Variants in CCL28 observed in about 807,000 individuals in gnomAD.
CCL28 encodes C-C motif chemokine 28.
CCL28 carries 4 observed loss-of-function variants against 7.1 expected under a neutral mutation model. The observed-to-expected ratio is 0.56, with a 90% CI of 0.28 to 1.29. The LOEUF is 1.29. Ranked by LOEUF, CCL28 falls within the 50% of genes most tolerant of loss-of-function variation. The pLI is 0.11. For synonymous variants in CCL28, 55 were observed against 57.8 expected, an observed-to-expected ratio of 0.95 and a Z score of 0.22; for missense variants, 151 against 163.4, an observed-to-expected ratio of 0.92 and a Z score of 0.41.
At chr5:43,373,098 G>A (rs551709627), downstream of CCL28, among the ~76,000 whole-genome samples, 55 of 152,212 alleles carry the variant, frequency 3.6e-4, no homozygotes, top group Non-Finnish European at 5.9e-4. Flanking sequence ...ACCATGCCCA[G>A]CCTGAACATT....
At chr5:43,410,676 C>A (rs559179470) in intron 1 of CCL28, among the ~76,000 whole-genome samples, 1 of 152,128 alleles carries the variant, frequency 6.6e-6, no homozygotes, top group Admixed American at 6.6e-5. Flanking sequence ...GGAGAGCTGC[C>A]GCTGTGGGGA....
chr5:43,385,252 T>C (rs1325235415), intron 2 of CCL28, among the ~76,000 whole-genome samples: 1 of 152,224 alleles, frequency 6.6e-6, no homozygotes, highest in African/African-American at 2.4e-5. Context: ...AGCTCATTAA[T>C]GAAGTCACTG....
chr5:43,374,031 G>A (rs145437562), downstream of CCL28, among the ~76,000 whole-genome samples: 584 of 152,296 alleles, frequency 3.8e-3, 1 homozygote, highest in African/African-American at 0.013. Flanking sequence ...CCAGGTCTTG[G>A]CAGAATTTAA....
the CCL28 span, among the ~76,000 whole-genome samples, chr5:43,370,616 TG>T: frequency 4.8e-4 from 73 of 152,168 alleles, 1 homozygote; most frequent in African/African-American, 1.6e-3. Context: ...ACTGGGTCAC[TG>T]GGTCACTGGG....
At chr5:43,403,708 C>T (rs1337009021) in intron 1 of CCL28, among the ~76,000 whole-genome samples, 3 of 152,186 alleles carry the variant, frequency 2.0e-5, no homozygotes, top group African/African-American at 7.2e-5. Context: ...GATCAAACTA[C>T]TCCGAGCTAA....
chr5:43,377,735 T>C (rs1739940192), downstream of CCL28, among the ~76,000 whole-genome samples: 1 of 99,908 alleles, frequency 1.0e-5, no homozygotes. Context: ...TTTTTTTTTT[T>C]TTTTTTTTTT....
rs1083835 is a variant in CCL28 at position 43,407,685 on chromosome 5, A to C, written c.64+4568T>G. On this transcript the variant is annotated intron_variant, in intron 1 of 2. Transcript: ENST00000361115. ...AAGAACTTGTGCACAGCAAAAGAAAATACCATCAGAGTGAACAGGCAACCT... is the reference window on the plus strand; with the variant it reads ...AAGAACTTGTGCACAGCAAAAGAAACTACCATCAGAGTGAACAGGCAACCT... Among the ~76,000 whole-genome samples, 575 of 152,320 alleles carry C rather than the reference A, an allele frequency of 3.8e-3. 1 individual carries two copies. The highest frequency in any genetic ancestry group is 0.034 in the Middle Eastern group (10 of 294).
At chr5:43,402,172 G>C (rs1210661332) in intron 1 of CCL28, among the ~76,000 whole-genome samples, 1 of 152,148 alleles carries the variant, frequency 6.6e-6, no homozygotes, top group Non-Finnish European at 1.5e-5. Flanking sequence ...GGAGGGTAAG[G>C]GTGCAGGAAT....
intron 1 of CCL28, among the ~76,000 whole-genome samples, chr5:43,410,763 T>C (rs762973236): frequency 2.0e-5 from 3 of 152,214 alleles, no homozygotes; most frequent in Admixed American, 6.5e-5. Context: ...GTTGGTGGAA[T>C]TACCAGAACT....
At chr5:43,387,700 GCTCA>G (rs1230509673) in intron 2 of CCL28, among the ~76,000 whole-genome samples, 6 of 152,164 alleles carry the variant, frequency 3.9e-5, no homozygotes, top group Non-Finnish European at 8.8e-5. Context: ...CATGAGCACG[GCTCA>G]CTGCAGCCTC....
chr5:43,397,612 C>CA (rs1287837636), intron 1 of CCL28, among the ~76,000 whole-genome samples: 1 of 151,860 alleles, frequency 6.6e-6, no homozygotes, highest in Non-Finnish European at 1.5e-5. Context: ...AAAATTAATG[C>CA]AAAAAAGTCT....
chr5:43,366,806 T>C, the CCL28 span, among the ~76,000 whole-genome samples: 8 of 152,200 alleles, frequency 5.3e-5, no homozygotes, highest in Admixed American at 3.9e-4. Flanking sequence ...TATAAGCCCC[T>C]GACTACCGGC....
chr5:43,363,612 C>T, the CCL28 span, among the ~76,000 whole-genome samples: 1 of 152,230 alleles, frequency 6.6e-6, no homozygotes, highest in Non-Finnish European at 1.5e-5. Flanking sequence ...GAGTGACCAA[C>T]TGAGAATGCA....
At chr5:43,404,849 G>GCAGTT (rs1432478578) in intron 1 of CCL28, among the ~76,000 whole-genome samples, 3 of 152,008 alleles carry the variant, frequency 2.0e-5, no homozygotes, top group African/African-American at 7.2e-5. Context: ...AAAAAAACAG[G>GCAGTT]GTTGCAATCC....
At chr5:43,406,989 A>C (rs1056457227) in intron 1 of CCL28, among the ~76,000 whole-genome samples, 6 of 152,258 alleles carry the variant, frequency 3.9e-5, no homozygotes, top group Non-Finnish European at 8.8e-5. Flanking sequence ...ATGAAATAAA[A>C]GAGGATACAA....
intron 1 of CCL28, among the ~76,000 whole-genome samples, chr5:43,409,637 A>G (rs1293456715): frequency 2.0e-5 from 3 of 152,164 alleles, no homozygotes; most frequent in Non-Finnish European, 2.9e-5. Flanking sequence ...GCAAATCTCT[A>G]GCAAGTATTG....
intron 2 of CCL28, among the ~76,000 whole-genome samples, chr5:43,387,034 AT>A (rs1483610806): frequency 6.6e-5 from 10 of 152,362 alleles, no homozygotes; most frequent in Middle Eastern, 3.4e-3. Flanking sequence ...GAGCTCAGGC[AT>A]AAGCAATGGG....
the CCL28 span, among the ~76,000 whole-genome samples, chr5:43,358,884 C>T: frequency 1.3e-5 from 2 of 152,210 alleles, no homozygotes; most frequent in Non-Finnish European, 2.9e-5. Context: ...ATGACTGACT[C>T]TGTCTTGCTT....
chr5:43,404,638 G>A (rs1468038952), intron 1 of CCL28, among the ~76,000 whole-genome samples: 2 of 152,122 alleles, frequency 1.3e-5, no homozygotes, highest in African/African-American at 4.8e-5. Context: ...ATAATGACAG[G>A]ATGAAAATCA....
Sources: gnomAD v4.1 joint callset for allele counts (sites outside exome capture counted in the v4.1 genomes callset) on GRCh38, gnomAD v4.1.1 for gene constraint, MANE v1.5 for transcripts, NCBI Gene and HGNC (gene_info 2026-07-23, HGNC 2026-07-21) for gene names.